Variants in COLEC10 observed in about 807,000 individuals in gnomAD.
COLEC10 encodes collectin subfamily member 10.
Under a neutral mutation model 28.4 loss-of-function variants are expected in COLEC10, and 22 were observed. That is an observed-to-expected ratio of 0.78 (90% confidence interval 0.55 to 1.11). The LOEUF is 1.11. Ranked by LOEUF, COLEC10 falls within the 50% of genes least tolerant of loss-of-function variation. The probability of loss-of-function intolerance (pLI) is 0.00; values close to 1 mark genes in which losing one functional copy is unlikely to be tolerated. For synonymous variants in COLEC10, 125 were observed against 116.1 expected (o/e 1.08, Z -0.49); for missense variants, 361 against 344.1 (o/e 1.05, Z -0.39).
Position 119,023,114 on chromosome 8 carries a change from G to A in COLEC10, n.235+13561G>A, listed in dbSNP as rs771468382. 5.3e-5 allele frequency among the ~76,000 whole-genome samples: 8 copies of A among 152,000 alleles called. No homozygotes were observed. The East Asian group carries it at 5.8e-4, about 11-fold the overall frequency. ...ATATTATCTTCTCAATCAAGCTTAC[G>A]CTGGCCACTGTATTTAACATTACAC... On this transcript the variant is annotated intron_variant and non_coding_transcript_variant, in intron 2 of 6. Transcript: ENST00000521788.
At chr8:119,007,413 C>T (rs1905776) in intron 1 of COLEC10, among the ~76,000 whole-genome samples, 29,518 of 145,568 alleles carry the variant, frequency 0.2, 3,492 homozygotes, top group Middle Eastern at 0.33. Flanking sequence ...ATTGGATAGA[C>T]GGATAGGGAA....
chr8:119,009,045 G>C (rs1430497957), intron 1 of COLEC10, among the ~76,000 whole-genome samples: 1 of 150,962 alleles, frequency 6.6e-6, no homozygotes, highest in African/African-American at 2.5e-5. Context: ...TAGGCGGGCA[G>C]TGCCTTTCGT....
At chr8:119,055,160 A>G (rs1814740304) in intron 2 of COLEC10, among the ~76,000 whole-genome samples, 1 of 152,056 alleles carries the variant, frequency 6.6e-6, no homozygotes, top group Non-Finnish European at 1.5e-5. Flanking sequence ...CAGTTCAGCA[A>G]ATGCCTGATA....
chr8:119,037,493 T>C (rs1362713045), intron 2 of COLEC10, among the ~76,000 whole-genome samples: 1 of 152,120 alleles, frequency 6.6e-6, no homozygotes, highest in East Asian at 1.9e-4. Context: ...ACATGGGAAA[T>C]TTCCTTCTGG....
At chr8:119,047,009 G>A (rs1228686311) in intron 2 of COLEC10, among the ~76,000 whole-genome samples, 1 of 152,042 alleles carries the variant, frequency 6.6e-6, no homozygotes, top group African/African-American at 2.4e-5. Flanking sequence ...AATGTGATGA[G>A]GCCTTAGGAA....
intron 2 of COLEC10, among the ~76,000 whole-genome samples, chr8:119,031,696 T>C (rs1485312): frequency 0.58 from 88,684 of 152,028 alleles, 26,549 homozygotes; most frequent in African/African-American, 0.72. Flanking sequence ...TGCAAACCTC[T>C]ATCCTGGTTA....
chr8:119,067,022 A>C (rs1251241715), upstream of COLEC10, among the ~76,000 whole-genome samples: 1 of 152,160 alleles, frequency 6.6e-6, no homozygotes, highest in East Asian at 1.9e-4. Context: ...GGATGTTTCT[A>C]CTGACATGCA....
intron 2 of COLEC10, among the ~76,000 whole-genome samples, chr8:119,059,796 G>A (rs1053386370): frequency 6.6e-6 from 1 of 152,028 alleles, no homozygotes; most frequent in Non-Finnish European, 1.5e-5. Context: ...TTATTTGGGT[G>A]ATGGATACCG....
At chr8:118,967,274 C>A in the COLEC10 span, among the ~76,000 whole-genome samples, 1 of 151,818 alleles carries the variant, frequency 6.6e-6, no homozygotes, top group Non-Finnish European at 1.5e-5. Context: ...TATTTGAAAT[C>A]ATAAATTTAC....
chr8:118,985,335 A>T, the COLEC10 span, among the ~76,000 whole-genome samples: 1 of 152,122 alleles, frequency 6.6e-6, no homozygotes, highest in Non-Finnish European at 1.5e-5. Flanking sequence ...CCATTCTGCA[A>T]AACCTCTTTC....
At chr8:119,036,429 T>C (rs1225606130) in intron 2 of COLEC10, among the ~76,000 whole-genome samples, 2 of 152,212 alleles carry the variant, frequency 1.3e-5, no homozygotes, top group African/African-American at 2.4e-5. Context: ...CATTATAATA[T>C]ATATTGTAAG....
chr8:119,071,355 T>A (rs189952659), intron 1 of COLEC10, among the ~76,000 whole-genome samples: 37 of 152,356 alleles, frequency 2.4e-4, no homozygotes, highest in Middle Eastern at 6.8e-3. Flanking sequence ...CAAGGTCTTG[T>A]TTCCAACTGG....
intron 3 of COLEC10, among the ~76,000 whole-genome samples, chr8:119,101,625 T>G (rs181371701): frequency 1.3e-5 from 2 of 152,314 alleles, no homozygotes; most frequent in African/African-American, 4.8e-5. Flanking sequence ...TTTGTATTAT[T>G]AGTATTTGCA....
At chr8:118,978,122 C>A in the COLEC10 span, among the ~76,000 whole-genome samples, 1 of 152,020 alleles carries the variant, frequency 6.6e-6, no homozygotes, top group African/African-American at 2.4e-5. Flanking sequence ...CAGGATAGAG[C>A]CAAAGATAAA....
At chr8:119,041,642 A>G (rs1260414680) in intron 2 of COLEC10, among the ~76,000 whole-genome samples, 1 of 152,194 alleles carries the variant, frequency 6.6e-6, no homozygotes, top group Non-Finnish European at 1.5e-5. Context: ...TTAGGATTAA[A>G]TTATTTAATA....
At chr8:119,089,259 G>A (rs990412698) in intron 1 of COLEC10, among the ~76,000 whole-genome samples, 3 of 152,048 alleles carry the variant, frequency 2.0e-5, no homozygotes, top group African/African-American at 7.2e-5. Context: ...TAGCTTCCTA[G>A]GTCATGCCTA....
the COLEC10 span, among the ~76,000 whole-genome samples, chr8:118,957,263 AAG>A: frequency 9.9e-5 from 15 of 152,220 alleles, no homozygotes; most frequent in African/African-American, 1.7e-4. Flanking sequence ...GCTGGAGAGA[AAG>A]AGTCACCAAC....
At chr8:118,965,355 T>C in the COLEC10 span, among the ~76,000 whole-genome samples, 1 of 152,156 alleles carries the variant, frequency 6.6e-6, no homozygotes, top group South Asian at 2.1e-4. Context: ...GGTTGCAAGA[T>C]GACTGTCAAA....
At chr8:119,073,391 CT>C (rs1329887161) in intron 1 of COLEC10, among the ~76,000 whole-genome samples, 1 of 126,738 alleles carries the variant, frequency 7.9e-6, no homozygotes, top group African/African-American at 2.6e-5. Flanking sequence ...GCTCAGTCAC[CT>C]TGATGCAAGT....
Sources: allele counts gnomAD v4.1 joint callset (sites outside exome capture counted in the v4.1 genomes callset), GRCh38; gene constraint gnomAD v4.1.1; transcripts MANE v1.5; gene names NCBI Gene and HGNC (gene_info 2026-07-23, HGNC 2026-07-21).